Variants in KLC3 observed in about 807,000 individuals in gnomAD.
KLC3 encodes kinesin light chain 2.
In KLC3, 72 loss-of-function variants were observed where a neutral mutation model predicts 62.9. The observed-to-expected ratio is 1.15, with a 90% confidence interval of 0.95 to 1.39. The LOEUF (loss-of-function observed/expected upper bound fraction) is 1.39. Among genes scored for constraint, KLC3 ranks in the 40% most tolerant of loss-of-function variants. The pLI, the probability that KLC3 is intolerant of heterozygous loss-of-function variation, is 0.00. For missense variants in KLC3, 848 were observed against 691.6 expected (o/e 1.23, Z -2.54); for synonymous variants, 377 against 300.5 (o/e 1.25, Z -2.63).
chr19:45,344,196 G>A, intron 1 of KLC3, among the ~76,000 whole-genome samples: 1 of 147,502 alleles, frequency 6.8e-6, no homozygotes, highest in Middle Eastern at 3.5e-3. Context: ...TTTCTGGGAG[G>A]GTGTGTGTGT....
rs1971773898 is a variant in KLC3 at position 45,351,471 on chromosome 19, G to C, written c.*114G>C. On this transcript the variant is annotated 3_prime_UTR_variant, in exon 13 of 13. Coordinates refer to ENST00000391946, the MANE Select transcript of KLC3 (RefSeq NM_177417.3). The stretch of plus-strand genomic sequence containing the variant: ...GCCCCCCCTTGCCTCTGGGTACCTG[G>C]TGGATAGCTGCCTTCTCCTGCGATT... 19 of 1,585,276 alleles carry C rather than the reference G, an allele frequency of 1.2e-5. No individual in the cohort carries two copies. The highest frequency in any genetic ancestry group is 1.7e-5 in the Admixed American group (1 of 59,200).
At chr19:45,345,488 C>A in intron 1 of KLC3, 46 bp from the exon 2 acceptor site, 1 of 1,550,358 alleles carries the variant, frequency 6.5e-7, no homozygotes, top group Non-Finnish European at 8.7e-7. Context: ...GGCCAACTGA[C>A]TGGCCCGGGC....
intron 2 of KLC3, among the ~76,000 whole-genome samples, chr19:45,346,077 G>A (rs1157730726): frequency 2.0e-5 from 3 of 152,132 alleles, no homozygotes; most frequent in East Asian, 3.9e-4. Flanking sequence ...CATGAGAATC[G>A]CTTGAACCTG....
Position 45,345,860 on chromosome 19 carries a change from G to A in KLC3, c.258+61G>A, listed in dbSNP as rs539953094. 48 of 1,479,498 alleles carry A rather than the reference G, an allele frequency of 3.2e-5. No homozygotes were observed. In the African/African-American group the frequency reaches 4.4e-4, roughly 14 times the overall value. The allele number at this position is 1,479,498 out of a possible 1,614,324, so 91.6% of individuals were successfully genotyped here. A position where few individuals can be genotyped will look rare whatever the true frequency, so the allele number is the denominator to read the frequency against. Reference sequence around the variant, plus strand: ...CAGCTGAGGGCGGAGGGAGGGCCAGGCATGAGGGGGACAGGTATGTAGGGG... The same window carrying A: ...CAGCTGAGGGCGGAGGGAGGGCCAGACATGAGGGGGACAGGTATGTAGGGG... On this transcript the variant is annotated intron_variant, in intron 2 of 12. Coordinates refer to ENST00000391946, the MANE Select transcript of KLC3 (RefSeq NM_177417.3).
At chr19:45,344,981 C>G (rs1016680790) in intron 1 of KLC3, 1 of 157,482 alleles carries the variant, frequency 6.3e-6, no homozygotes, top group Non-Finnish European at 1.4e-5. Context: ...GGGGCCCTGG[C>G]CCCTCGGCCC....
At chr19:45,350,171 C>G in intron 8 of KLC3, 170 bp from the exon 9 acceptor site, 5 of 612,576 alleles carry the variant, frequency 8.2e-6, no homozygotes, top group Non-Finnish European at 2.9e-6. Context: ...CTTGTAACCC[C>G]AACACTTTGG....
Position 45,350,554 on chromosome 19 carries a change from G to T in KLC3, c.1272+3G>T, listed in dbSNP as rs777237318. ...GCACAGCTGGTGACGCAGAACAGGT[G>T]AGGATGGGCTGTGCTTCGGCTCCTG... On this transcript the variant is annotated splice_donor_region_variant and intron_variant, in intron 10 of 12. Transcript: ENST00000391946. 1 of 1,613,864 alleles carries T rather than the reference G, an allele frequency of 6.2e-7. No individual in the cohort carries two copies. The highest frequency in any genetic ancestry group is 8.5e-7 in the Non-Finnish European group (1 of 1,180,004).
intron 11 of KLC3, 65 bp downstream of exon 11, chr19:45,350,812 C>G: frequency 7.7e-7 from 1 of 1,300,330 alleles, no homozygotes; most frequent in Non-Finnish European, 1.1e-6. Flanking sequence ...ACCCCACCCC[C>G]ACCCCCATCT....
At position 45,349,489 on chromosome 19, in the gene KLC3, C is replaced by G; in HGVS notation, c.1030C>G (p.Gln344Glu). The part of the protein sequence containing the change: ...KQLNNLALLC[Q>E]NQGKFEDVER... ...GCTCAACAACCTGGCCCTGCTGTGC[C>G]AGAACCAGGGCAAGTTTGAGGACGT... The change falls in exon 8 of 13, where the codon CAG (glutamine) becomes GAG (glutamate). Residue 344 changes from glutamine (Q) to glutamate (E), a missense_variant. Physicochemically the swap from Gln to Glu is conservative, Grantham distance 29 (BLOSUM62 2). Transcript: ENST00000391946. 6.2e-7 allele frequency: 1 copy of G among 1,613,998 alleles called. No homozygotes were observed. The highest frequency in any genetic ancestry group is 8.5e-7 in the Non-Finnish European group (1 of 1,179,940).
chr19:45,351,228 G>A, intron 12 of KLC3, 58 bp from the exon 13 acceptor site: 1 of 1,591,232 alleles, frequency 6.3e-7, no homozygotes, highest in Non-Finnish European at 8.6e-7. Flanking sequence ...GAGCTGGAGG[G>A]TGGATGTAAC....
chr19:45,350,259 CAA>C (rs61513187), intron 8 of KLC3, 80 bp from the exon 9 acceptor site: 49,207 of 847,454 alleles, frequency 0.058, no homozygotes, highest in South Asian at 0.066. Context: ...CCTGTCTCTA[CAA>C]AAAAAAAAAA....
At chr19:45,348,605 C>T in intron 5 of KLC3, 41 bp from the exon 6 acceptor site, 2 of 1,544,408 alleles carry the variant, frequency 1.3e-6, no homozygotes, top group East Asian at 2.4e-5. Context: ...GCTGCCCCAA[C>T]CCTTGGCTAA....
At chr19:45,341,556 T>G (rs193034855) in intron 1 of KLC3, among the ~76,000 whole-genome samples, 13 of 121,932 alleles carry the variant, frequency 1.1e-4, no homozygotes, top group East Asian at 8.9e-4. Context: ...TGCCTGTTGG[T>G]GTGTGTGTGT....
At chr19:45,349,668 GTTGGATACAGGGTGAGCAACGTGAGGGT>G in intron 8 of KLC3, 66 bp downstream of exon 8, 1 of 1,209,312 alleles carries the variant, frequency 8.3e-7, no homozygotes. Flanking sequence ...GCACCCATTG[GTTGGATACAGGGTGAGCAACGTGAGGGT>G]GGGGGGGGGC....
Position 45,347,976 on chromosome 19 carries a change from G to A in KLC3, c.595G>A (p.Gly199Ser), listed in dbSNP as rs774075919. The change falls in exon 5 of 13, where the codon GGT (glycine) becomes AGT (serine). Residue 199 changes from glycine to serine, a missense_variant. By Grantham distance (56) the Gly-to-Ser change is moderately conservative. Coordinates refer to ENST00000391946, the MANE Select transcript of KLC3 (RefSeq NM_177417.3). Reference sequence around the variant, plus strand: ...CGCAGGAGCAGCAGCTGCTCAGCAGGGTGGCTATGAGATCCCTGCCCGCCT... The same window carrying A: ...CGCAGGAGCAGCAGCTGCTCAGCAGAGTGGCTATGAGATCCCTGCCCGCCT... ...EAAGAAAAQQ[G>S]GYEIPARLRT... The A allele has an allele frequency of 6.2e-6, 10 of 1,609,110 alleles. No individual in the cohort carries two copies. In the East Asian group the frequency reaches 1.3e-4, roughly 22 times the overall value.
chr19:45,349,456 G>T lies in KLC3; in HGVS notation c.997G>T (p.Ala333Ser), dbSNP rs371687233. ...KVLGADHPDV[A>S]KQLNNLALLC... ...CCTGGGTGCTGACCACCCAGATGTGGCCAAGCAGCTCAACAACCTGGCCCT... is the reference window on the plus strand; with the variant it reads ...CCTGGGTGCTGACCACCCAGATGTGTCCAAGCAGCTCAACAACCTGGCCCT... The change falls in exon 8 of 13, where the codon GCC becomes TCC. Residue 333 changes from alanine to serine, a missense_variant. Physicochemically the swap from Ala to Ser is moderately conservative, Grantham distance 99. Coordinates refer to ENST00000391946, the MANE Select transcript of KLC3 (RefSeq NM_177417.3). 33 of 1,612,646 alleles carry T rather than the reference G, an allele frequency of 2.0e-5. No individual in the cohort carries two copies. Among genetic ancestry groups the T allele is most frequent in the Non-Finnish European group, 2.8e-5 (33 of 1,179,044 alleles).
chr19:45,347,105 G>A (rs1312527080), intron 3 of KLC3: 2 of 417,822 alleles, frequency 4.8e-6, no homozygotes, highest in African/African-American at 4.1e-5. Flanking sequence ...CACTTTGGGA[G>A]GCCGAGGCGA....
chr19:45,351,099 A>C (rs1040006682), intron 12 of KLC3, 82 bp downstream of exon 12: 2 of 1,610,328 alleles, frequency 1.2e-6, no homozygotes, highest in East Asian at 2.2e-5. Context: ...CGGTCGGGCC[A>C]GTGGTGGAGT....
chr19:45,346,832 C>G (rs760299539), intron 3 of KLC3, 58 bp downstream of exon 3: 210 of 1,444,052 alleles, frequency 1.5e-4, no homozygotes, highest in Non-Finnish European at 1.7e-4. Context: ...CCCACAGTCC[C>G]CCAGACCCTC....
Sources: allele counts gnomAD v4.1 joint callset (sites outside exome capture counted in the v4.1 genomes callset), GRCh38; gene constraint gnomAD v4.1.1; transcripts MANE v1.5; gene names NCBI Gene and HGNC (gene_info 2026-07-23, HGNC 2026-07-21).